Variants in EDA observed in about 807,000 individuals in gnomAD.
EDA encodes ectodysplasin A.
Under a neutral mutation model 23.6 loss-of-function variants are expected in EDA, and 2 were observed. The observed-to-expected ratio is 0.08, with a 90% CI of 0.03 to 0.27. The LOEUF (loss-of-function observed/expected upper bound fraction) is 0.27. Among genes scored for constraint, EDA ranks in the 10% least tolerant of loss-of-function variants. EDA has a pLI of 1.00. For missense variants in EDA, 229 were observed against 324.2 expected, an observed-to-expected ratio of 0.71 and a Z score of 2.26; for synonymous variants, 131 against 132.0, an observed-to-expected ratio of 0.99 and a Z score of 0.05.
At chrX:69,753,202 C>T (rs1488164665) in intron 1 of EDA, among the ~76,000 whole-genome samples, 3 of 111,381 alleles carry the variant, frequency 2.7e-5, no homozygotes, top group Admixed American at 1.9e-4. Flanking sequence ...CTGCTTTCTC[C>T]TGTGGTCATT....
At chrX:69,997,874 A>G (rs1325825117) in intron 2 of EDA, among the ~76,000 whole-genome samples, 1 of 112,664 alleles carries the variant, frequency 8.9e-6, no homozygotes, top group Non-Finnish European at 1.9e-5. Flanking sequence ...GCAAGTGTAC[A>G]GAAGTCAAGA....
chrX:69,955,648 A>G (rs2018989305), intron 1 of EDA, among the ~76,000 whole-genome samples: 1 of 111,987 alleles, frequency 8.9e-6, no homozygotes, highest in Non-Finnish European at 1.9e-5. Context: ...TAACCATTCT[A>G]TTTTGAAGAT....
intron 2 of EDA, 158 bp from the exon 3 acceptor site, chrX:70,023,060 G>T: frequency 2.9e-6 from 1 of 347,414 alleles, no homozygotes; most frequent in Non-Finnish European, 5.2e-6. Context: ...AGAATGGGGA[G>T]GTTTGATAGT....
intron 1 of EDA, among the ~76,000 whole-genome samples, chrX:69,795,279 G>A (rs1459665920): frequency 8.9e-6 from 1 of 111,878 alleles, no homozygotes; most frequent in Non-Finnish European, 1.9e-5. Flanking sequence ...TCCTGCCTCA[G>A]CCTCTCAAAG....
At chrX:69,952,613 T>G (rs1008316426) in intron 1 of EDA, among the ~76,000 whole-genome samples, 2 of 111,897 alleles carry the variant, frequency 1.8e-5, no homozygotes, top group Non-Finnish European at 3.8e-5. Context: ...GCAGTTCTCT[T>G]CTAATGAACA....
At chrX:69,718,018 C>T (rs997113716) in intron 1 of EDA, among the ~76,000 whole-genome samples, 7 of 111,749 alleles carry the variant, frequency 6.3e-5, no homozygotes, top group Non-Finnish European at 1.1e-4. Context: ...GCCTGCTTCC[C>T]CTTCACCTTC....
intron 1 of EDA, among the ~76,000 whole-genome samples, chrX:69,836,389 C>A (rs1363979500): frequency 1.8e-5 from 2 of 112,463 alleles, no homozygotes; most frequent in African/African-American, 6.5e-5. Context: ...GTGGGCACCG[C>A]CCAGTTCAAG....
At chrX:69,713,405 C>A (rs1231127566) in intron 1 of EDA, among the ~76,000 whole-genome samples, 10 of 111,531 alleles carry the variant, frequency 9.0e-5, no homozygotes, top group Admixed American at 8.6e-4. Context: ...CGTATACAAT[C>A]TTATCTGTGT....
chrX:69,731,678 G>A (rs1230346567), intron 1 of EDA, among the ~76,000 whole-genome samples: 1 of 111,425 alleles, frequency 9.0e-6, no homozygotes, highest in Non-Finnish European at 1.9e-5. Flanking sequence ...CTGACCTCAG[G>A]CTATCTGCCT....
At chrX:69,890,094 G>A (rs1349983242) in intron 1 of EDA, among the ~76,000 whole-genome samples, 1 of 110,989 alleles carries the variant, frequency 9.0e-6, no homozygotes, top group African/African-American at 3.3e-5. Flanking sequence ...TAAATTCAAA[G>A]TGAGTACATG....
chrX:69,788,191 T>C (rs2015264484), intron 1 of EDA, among the ~76,000 whole-genome samples: 1 of 111,741 alleles, frequency 8.9e-6, no homozygotes, highest in African/African-American at 3.3e-5. Flanking sequence ...TTATACATTC[T>C]TCTAAATTGT....
intron 1 of EDA, among the ~76,000 whole-genome samples, chrX:69,681,409 C>T (rs1275252326): frequency 9.0e-6 from 1 of 111,212 alleles, no homozygotes; most frequent in Non-Finnish European, 1.9e-5. Context: ...TAATATCCTG[C>T]AGAGTGTTTT....
chrX:69,880,893 T>C (rs988065943), intron 1 of EDA, among the ~76,000 whole-genome samples: 16 of 112,097 alleles, frequency 1.4e-4, no homozygotes, highest in Non-Finnish European at 1.7e-4. Context: ...ACAAGGACTT[T>C]GGATGTTGGA....
intron 2 of EDA, among the ~76,000 whole-genome samples, chrX:70,014,757 T>A (rs767360374): frequency 8.1e-5 from 9 of 111,780 alleles, no homozygotes; most frequent in Non-Finnish European, 1.7e-4. Flanking sequence ...ACTATAAAAA[T>A]CTCATAATGC....
intron 1 of EDA, among the ~76,000 whole-genome samples, chrX:69,714,523 A>G (rs1466900079): frequency 9.0e-6 from 1 of 111,672 alleles, no homozygotes; most frequent in African/African-American, 3.3e-5. Context: ...AAAAGGTTTT[A>G]TAATTTTACT....
intron 2 of EDA, among the ~76,000 whole-genome samples, chrX:69,982,244 C>A (rs1479264044): frequency 9.0e-6 from 1 of 111,698 alleles, no homozygotes; most frequent in African/African-American, 3.3e-5. Context: ...ACCCTACTCC[C>A]ACCAGTCTTA....
chrX:69,775,463 G>A (rs898893651), intron 1 of EDA, among the ~76,000 whole-genome samples: 1 of 111,563 alleles, frequency 9.0e-6, no homozygotes, highest in Non-Finnish European at 1.9e-5. Context: ...TGTGACTGAG[G>A]AGAATAATAT....
At chrX:69,706,547 A>G (rs1269649359) in intron 1 of EDA, among the ~76,000 whole-genome samples, 1 of 96,124 alleles carries the variant, frequency 1.0e-5, no homozygotes, top group African/African-American at 3.8e-5. Flanking sequence ...GGTTTTATAC[A>G]TTTTAGGGAG....
In EDA at chrX:69,616,201, G is replaced by A; in HGVS notation, c.-108G>A. On this transcript the variant is annotated 5_prime_UTR_variant, in exon 1 of 8. Coordinates refer to ENST00000374552, the MANE Select transcript of EDA (RefSeq NM_001399.5). ...CACTGTCGCGCAGGAACGGGTCCCTGCAGCCCCCAGCCGATGGCAGGACAG... is the reference window on the plus strand; with the variant it reads ...CACTGTCGCGCAGGAACGGGTCCCTACAGCCCCCAGCCGATGGCAGGACAG... 1.0e-6 allele frequency: 1 copy of A among 987,983 alleles called. No individual in the cohort carries two copies. The highest frequency in any genetic ancestry group is 1.4e-6 in the Non-Finnish European group (1 of 731,538). The allele number at this position is 987,983 out of a possible 1,213,427, so 81.4% of individuals were successfully genotyped here.
Sources: allele counts gnomAD v4.1 joint callset (sites outside exome capture counted in the v4.1 genomes callset), GRCh38; gene constraint gnomAD v4.1.1; transcripts MANE v1.5; gene names NCBI Gene and HGNC (gene_info 2026-07-23, HGNC 2026-07-21).